Variants in NKAIN3 observed in about 807,000 individuals in gnomAD.
The protein encoded by NKAIN3 is sodium/potassium-transporting ATPase subunit beta-1-interacting protein 3.
NKAIN3 carries 25 observed loss-of-function variants against 30.2 expected under a neutral mutation model. That is an observed-to-expected ratio of 0.83 (90% CI 0.60 to 1.16). The LOEUF (loss-of-function observed/expected upper bound fraction) is 1.16, where lower values mean the gene tolerates loss of function less well. NKAIN3 is among the 50% of genes most tolerant of loss of function. The pLI is 0.00. For synonymous variants in NKAIN3, 91 were observed against 89.6 expected, an observed-to-expected ratio of 1.02 and a Z score of -0.09; for missense variants, 225 against 254.1, an observed-to-expected ratio of 0.89 and a Z score of 0.78.
At chr8:62,750,877 C>T (rs1482669765) in intron 4 of NKAIN3, among the ~76,000 whole-genome samples, 1 of 152,058 alleles carries the variant, frequency 6.6e-6, no homozygotes, top group Non-Finnish European at 1.5e-5. Flanking sequence ...TGCCCACTGC[C>T]CGTCTCTGTT....
chr8:62,964,748 C>T (rs766957608), intron 6 of NKAIN3, among the ~76,000 whole-genome samples: 14 of 151,926 alleles, frequency 9.2e-5, no homozygotes, highest in East Asian at 1.9e-4. Context: ...ACATTACAGA[C>T]GGCAATCTGC....
intron 1 of NKAIN3, among the ~76,000 whole-genome samples, chr8:62,470,783 A>G (rs923923104): frequency 6.6e-6 from 1 of 152,154 alleles, no homozygotes; most frequent in Non-Finnish European, 1.5e-5. Flanking sequence ...ACTCTCTCAC[A>G]TACAAAAAAT....
At chr8:62,765,162 G>A (rs1178891220) in intron 4 of NKAIN3, among the ~76,000 whole-genome samples, 9 of 147,764 alleles carry the variant, frequency 6.1e-5, no homozygotes, top group African/African-American at 2.0e-4. Flanking sequence ...AAGTAGAATC[G>A]TGTGAACCCG....
chr8:62,521,424 G>A (rs1448788145), intron 1 of NKAIN3, among the ~76,000 whole-genome samples: 1 of 152,166 alleles, frequency 6.6e-6, no homozygotes, highest in Non-Finnish European at 1.5e-5. Flanking sequence ...CTGGGAAGCT[G>A]TGAATTGGTG....
intron 3 of NKAIN3, among the ~76,000 whole-genome samples, chr8:62,654,499 T>C (rs899989385): frequency 6.6e-6 from 1 of 152,046 alleles, no homozygotes; most frequent in Non-Finnish European, 1.5e-5. Context: ...GACAAGAAGA[T>C]GATACAAGCT....
chr8:62,561,637 T>C (rs1809581137), intron 1 of NKAIN3, among the ~76,000 whole-genome samples: 1 of 152,158 alleles, frequency 6.6e-6, no homozygotes, highest in Admixed American at 6.6e-5. Context: ...GGTAGGTGTT[T>C]CTTCAAATCT....
At chr8:62,496,733 C>CA (rs1340018358) in intron 1 of NKAIN3, among the ~76,000 whole-genome samples, 2 of 151,972 alleles carry the variant, frequency 1.3e-5, no homozygotes, top group African/African-American at 2.4e-5. Context: ...GACCCGCTTT[C>CA]AAAAAAATGG....
intron 4 of NKAIN3, among the ~76,000 whole-genome samples, chr8:62,872,013 T>A (rs1820660592): frequency 6.6e-6 from 1 of 152,280 alleles, no homozygotes; most frequent in Admixed American, 6.5e-5. Flanking sequence ...GATATTATAC[T>A]GCTATATTTT....
chr8:62,539,790 A>G (rs541515161), intron 1 of NKAIN3, among the ~76,000 whole-genome samples: 2 of 152,270 alleles, frequency 1.3e-5, no homozygotes, highest in East Asian at 1.9e-4. Context: ...TGTGTTGCCC[A>G]GGCTGGTCTC....
intron 1 of NKAIN3, among the ~76,000 whole-genome samples, chr8:62,415,646 A>G (rs951198811): frequency 4.6e-5 from 7 of 151,576 alleles, no homozygotes; most frequent in Non-Finnish European, 8.8e-5. Flanking sequence ...ATGTGTATGC[A>G]TATCCTACAA....
intron 3 of NKAIN3, among the ~76,000 whole-genome samples, chr8:62,734,389 A>AT (rs1025077404): frequency 1.3e-5 from 2 of 152,016 alleles, no homozygotes; most frequent in African/African-American, 2.4e-5. Flanking sequence ...TTTTCATATA[A>AT]TTTTTTTTCC....
chr8:62,341,523 G>A (rs1370975739), intron 1 of NKAIN3, among the ~76,000 whole-genome samples: 1 of 151,966 alleles, frequency 6.6e-6, no homozygotes, highest in East Asian at 1.9e-4. Context: ...TCAAGTTAGA[G>A]CATCAAAAGC....
At chr8:62,782,764 G>C (rs952821008) in intron 4 of NKAIN3, among the ~76,000 whole-genome samples, 68 of 148,390 alleles carry the variant, frequency 4.6e-4, no homozygotes, top group African/African-American at 1.6e-3. Flanking sequence ...AGAATAGAAT[G>C]ATACATACGA....
At chr8:62,877,873 T>C (rs1820847887) in intron 4 of NKAIN3, among the ~76,000 whole-genome samples, 1 of 151,954 alleles carries the variant, frequency 6.6e-6, no homozygotes, top group South Asian at 2.1e-4. Context: ...AAACCCTGTC[T>C]CTACTAAAAA....
At position 62,805,098 on chromosome 8, in the gene NKAIN3, C is replaced by G. The variant is rs565362934; in HGVS notation, c.471+57969C>G. 6.9e-3 allele frequency among the ~76,000 whole-genome samples: 1,044 copies of G among 152,086 alleles called. 8 individuals are homozygous for G. Among genetic ancestry groups the G allele is most frequent in the South Asian group, 0.03 (143 of 4,810 alleles). ...ACCTAGGAATCCAACCTACAAGGGACGTGAAGGACCTCTTCAAGGAGAACT... is the reference window on the plus strand; with the variant it reads ...ACCTAGGAATCCAACCTACAAGGGAGGTGAAGGACCTCTTCAAGGAGAACT... On this transcript the variant is annotated intron_variant, in intron 4 of 6. Transcript: ENST00000623646.
At chr8:62,636,982 G>GA (rs1301353541) in intron 3 of NKAIN3, among the ~76,000 whole-genome samples, 3 of 152,030 alleles carry the variant, frequency 2.0e-5, no homozygotes, top group Non-Finnish European at 4.4e-5. Flanking sequence ...TATTTTACGT[G>GA]AAAATTTTTT....
At chr8:62,635,629 C>T (rs58986470) in intron 3 of NKAIN3, among the ~76,000 whole-genome samples, 44,706 of 151,962 alleles carry the variant, frequency 0.29, 7,883 homozygotes, top group African/African-American at 0.5. Context: ...ATAAAAGAGA[C>T]TGTGAGAGGG....
At chr8:62,880,196 G>C (rs1402668638) in intron 4 of NKAIN3, among the ~76,000 whole-genome samples, 1 of 152,144 alleles carries the variant, frequency 6.6e-6, no homozygotes, top group African/African-American at 2.4e-5. Context: ...GAGGCAGAGA[G>C]AGGGAAAAAC....
chr8:62,278,741 G>A (rs1321170170), intron 1 of NKAIN3, among the ~76,000 whole-genome samples: 1 of 152,126 alleles, frequency 6.6e-6, no homozygotes. Flanking sequence ...GTATTCCATG[G>A]TGTATATGTG....
Sources: allele counts gnomAD v4.1 joint callset (sites outside exome capture counted in the v4.1 genomes callset), GRCh38; gene constraint gnomAD v4.1.1; transcripts MANE v1.5; gene names NCBI Gene and HGNC (gene_info 2026-07-23, HGNC 2026-07-21).